The following SFPQ variants were observed in gnomAD, a reference collection of about 807,000 sequenced individuals.
SFPQ encodes the protein splicing factor, proline- and glutamine-rich.
SFPQ carries 11 observed loss-of-function variants against 72.9 expected under a neutral mutation model. That is an observed-to-expected ratio of 0.15 (90% confidence interval 0.09 to 0.25). The LOEUF (loss-of-function observed/expected upper bound fraction) is 0.25. Among genes scored for constraint, SFPQ ranks in the 10% least tolerant of loss-of-function variants. The pLI is 1.00. For synonymous variants in SFPQ, 506 were observed against 367.3 expected (o/e 1.38, Z -4.32); for missense variants, 847 against 993.3 (o/e 0.85, Z 1.98).
chr1:35,178,898 AAAAT>A (rs1315488202), downstream of SFPQ: 1,695 of 1,051,708 alleles, frequency 1.6e-3, 2 homozygotes, highest in Non-Finnish European at 1.7e-3. Context: ...AAAAAAAAAA[AAAAT>A]ATTTTTTTCA....
intron 6 of SFPQ, among the ~76,000 whole-genome samples, chr1:35,188,525 T>G (rs946350548): frequency 6.6e-6 from 1 of 151,964 alleles, no homozygotes; most frequent in Non-Finnish European, 1.5e-5. Flanking sequence ...ACAAAAAAAA[T>G]TAAAAAATTA....
At chr1:35,177,106 T>C (rs147465207) in intron 5 of SFPQ, 1 of 152,050 alleles carries the variant, frequency 6.6e-6, no homozygotes, top group Non-Finnish European at 1.5e-5. Context: ...TCCCAGCTAC[T>C]TGGAAGGCTG....
At chr1:35,185,130 G>T (rs570142621) in intron 9 of SFPQ, among the ~76,000 whole-genome samples, 1 of 152,072 alleles carries the variant, frequency 6.6e-6, no homozygotes, top group African/African-American at 2.4e-5. Context: ...TTAAAAGGTT[G>T]AAAGTTTTAA....
At position 35,192,095 on chromosome 1, in the gene SFPQ, C is replaced by G. The variant is rs566579239; in HGVS notation, c.828+127G>C. ...GACGGCCCCGCAGGCCGCCCCGCCCCCGCAGCGGCGCGCGCAAGCGCCCCT... is the reference window on the plus strand; with the variant it reads ...GACGGCCCCGCAGGCCGCCCCGCCCGCGCAGCGGCGCGCGCAAGCGCCCCT... On this transcript the variant is annotated intron_variant, in intron 1 of 9. Transcript: ENST00000357214. 35 of 756,938 alleles carry G rather than the reference C, an allele frequency of 4.6e-5. No individual in the cohort carries two copies. In the East Asian group the frequency reaches 6.7e-4, roughly 14 times the overall value. 46.9% of individuals were successfully genotyped at this position (756,938 alleles called of 1,614,324 possible).
intron 2 of SFPQ, 44 bp downstream of exon 2, chr1:35,191,297 C>T (rs1237300279): frequency 1.4e-5 from 21 of 1,540,668 alleles, no homozygotes; most frequent in Non-Finnish European, 1.6e-5. Flanking sequence ...AAAAAAATCC[C>T]CCACCCTTTT....
intron 1 of SFPQ, 69 bp downstream of exon 1, chr1:35,192,147 AGCGCGG>A: frequency 8.4e-7 from 1 of 1,187,858 alleles, no homozygotes; most frequent in Non-Finnish European, 1.1e-6. Context: ...ATGGAAGCCC[AGCGCGG>A]GGGCGGGGGC....
chr1:35,181,999 T>C (rs1224521375), downstream of SFPQ: 5 of 985,284 alleles, frequency 5.1e-6, no homozygotes, highest in Admixed American at 1.2e-4. Flanking sequence ...GCCACAACTT[T>C]CAGGAGATTA....
chr1:35,179,472 T>C, downstream of SFPQ: 8 of 1,055,092 alleles, frequency 7.6e-6, no homozygotes, highest in Non-Finnish European at 9.2e-6. Flanking sequence ...CTGTTCTCAT[T>C]AAAAATAATT....
At chr1:35,187,522 G>C (rs1639779051) in intron 7 of SFPQ, among the ~76,000 whole-genome samples, 1 of 152,194 alleles carries the variant, frequency 6.6e-6, no homozygotes, top group Non-Finnish European at 1.5e-5. Flanking sequence ...CCTGAGGTCA[G>C]GAGTTCAAGA....
chr1:35,184,131 T>C lies in SFPQ; in HGVS notation c.*325A>G. On this transcript the variant is annotated 3_prime_UTR_variant, in exon 10 of 10. Coordinates refer to ENST00000357214, the MANE Select transcript of SFPQ (RefSeq NM_005066.3). The stretch of plus-strand genomic sequence containing the variant: ...GTTGAAGATCAATATTATAACTATT[T>C]TTCTATTTATTTGAAGCACAGTAAA... The C allele has an allele frequency of 8.8e-7, 1 of 1,140,072 alleles. No individual in the cohort carries two copies. The highest frequency in any genetic ancestry group is 1.1e-6 in the Non-Finnish European group (1 of 928,596). The allele number at this position is 1,140,072 out of a possible 1,614,324, so 70.6% of individuals were successfully genotyped here. A position where few individuals can be genotyped will look rare whatever the true frequency, so the allele number is the denominator to read the frequency against.
intron 7 of SFPQ, among the ~76,000 whole-genome samples, chr1:35,187,556 C>G (rs908524443): frequency 2.6e-5 from 4 of 152,116 alleles, no homozygotes; most frequent in Non-Finnish European, 4.4e-5. Flanking sequence ...CAAGGCGAAA[C>G]GCCATTTCTA....
rs1639539809 is a variant in SFPQ at position 35,183,125 on chromosome 1, TTA to T, written c.*1329_*1330del. 1 of 1,029,076 alleles carries T rather than the reference TTA, an allele frequency of 9.7e-7. No homozygotes were observed. The highest frequency in any genetic ancestry group is 1.7e-5 in the African/African-American group (1 of 59,130). 63.7% of individuals were successfully genotyped at this position (1,029,076 alleles called of 1,614,324 possible). On this transcript the variant is annotated 3_prime_UTR_variant, in exon 10 of 10. Transcript: ENST00000357214. The stretch of plus-strand genomic sequence containing the variant: ...CTCTTAGAAGAGAACCAATAGATTT[TTA>T]TAGTCCTATAGATTTTGCCCAACAG...
chr1:35,177,617 A>G (rs1449325374), intron 4 of SFPQ: 1 of 153,768 alleles, frequency 6.5e-6, no homozygotes, highest in East Asian at 1.9e-4. Context: ...ATATAGGTGT[A>G]AAGCCACCAT....
At chr1:35,177,955 C>A, downstream of SFPQ, 1 of 1,066,150 alleles carries the variant, frequency 9.4e-7, no homozygotes, top group Non-Finnish European at 1.2e-6. Flanking sequence ...AACTCAAAAG[C>A]CTGTAGGGGT....
Position 35,192,238 on chromosome 1 carries a change from T to G in SFPQ, c.812A>C (p.Lys271Thr). The G allele has an allele frequency of 6.8e-7, 1 of 1,461,684 alleles. No homozygotes were observed. Among genetic ancestry groups the G allele is most frequent in the Non-Finnish European group, 9.0e-7 (1 of 1,114,304 alleles). The allele number at this position is 1,461,684 out of a possible 1,614,324, so 90.5% of individuals were successfully genotyped here. ...GACACTCACCTCCGAGTCCGAGATC[T>G]TCTCCTCGCTGCGGCCGCCGGGCCC... ...PGGPGGRSEE[K>T]ISDSEGFKAN... The change falls in exon 1 of 10, where the codon AAG becomes ACG. Residue 271 changes from lysine to threonine, a missense_variant. By Grantham distance (78) the Lys-to-Thr change is moderately conservative. Around this residue, in one of 6 missense-constraint regions of SFPQ, gnomAD observed 498 missense variants for 405.1 expected, o/e 1.23. Transcript: ENST00000357214.
chr1:35,187,304 T>A, intron 7 of SFPQ, 53 bp from the exon 8 acceptor site: 1 of 1,524,256 alleles, frequency 6.6e-7, no homozygotes, highest in Non-Finnish European at 9.1e-7. Context: ...ACAGCAAGCA[T>A]TCTTAAGAAC....
rs550787906 is a variant in SFPQ, at chr1:35,192,045, G to A, written c.828+177C>T. On this transcript the variant is annotated intron_variant, in intron 1 of 9. Transcript: ENST00000357214. ...TCCGCCCGCCGGGAGAGCAAGGCCC[G>A]GCGGCGGCCAATCCCCCGCCGACCG... 4.6e-5 allele frequency among the ~76,000 whole-genome samples: 7 copies of A among 151,754 alleles called. No homozygotes were observed. The East Asian group carries it at 1.4e-3, about 30-fold the overall frequency.
downstream of SFPQ, chr1:35,180,336 A>T (rs780369777): frequency 3.8e-6 from 4 of 1,045,184 alleles, no homozygotes; most frequent in Admixed American, 5.5e-5. Flanking sequence ...GTTTTCTTGT[A>T]AACATTTTGG....
At chr1:35,187,925 C>CTATAG in intron 7 of SFPQ, 48 bp downstream of exon 7, 1 of 1,169,730 alleles carries the variant, frequency 8.5e-7, no homozygotes, top group Non-Finnish European at 1.3e-6. Flanking sequence ...TAGGTACCTG[C>CTATAG]AAGTTCTATA....
Sources: gnomAD v4.1 joint callset for allele counts (sites outside exome capture counted in the v4.1 genomes callset) on GRCh38, gnomAD v4.1.1 for gene constraint, gnomAD v4.1.1 regional missense constraint, MANE v1.5 for transcripts, NCBI Gene and HGNC (gene_info 2026-07-23, HGNC 2026-07-21) for gene names.